FAM3D: variants seen among roughly 807,000 people sequenced by gnomAD.
FAM3D encodes protein FAM3D.
Under a neutral mutation model 29.8 loss-of-function variants are expected in FAM3D, and 26 were observed. The ratio of observed to expected loss-of-function variants is 0.87; its 90% CI spans 0.64 to 1.21. FAM3D has a LOEUF of 1.21. Among genes scored for constraint, FAM3D ranks in the 50% most tolerant of loss-of-function variants. The probability of loss-of-function intolerance (pLI) is 0.00; values close to 1 mark genes in which losing one functional copy is unlikely to be tolerated. For synonymous variants in FAM3D, 115 were observed against 102.3 expected (o/e 1.12, Z -0.75); for missense variants, 253 against 290.9 (o/e 0.87, Z 0.95).
chr3:58,637,172 G>C lies in FAM3D; in HGVS notation c.427C>G (p.Leu143Val). The C allele has an allele frequency of 6.2e-7, 1 of 1,614,000 alleles. No individual in the cohort carries two copies. Among genetic ancestry groups the C allele is most frequent in the Non-Finnish European group, 8.5e-7 (1 of 1,179,972 alleles). The change falls in exon 8 of 10, where the codon CTG becomes GTG. Residue 143 changes from leucine to valine, a missense_variant. Physicochemically the swap from Leu to Val is conservative, Grantham distance 32. Transcript: ENST00000358781. ...CCTGGATCGTCGTAGGAGGCCACCA[G>C]CACCAGTGCACCCCCCGGAATTTCT... is the stretch of plus-strand genomic sequence containing the variant. ...LKEIPGGALV[L>V]VASYDDPGTK...
intron 2 of FAM3D, 67 bp from the exon 3 acceptor site, chr3:58,653,848 G>A (rs2066716972): frequency 2.0e-5 from 25 of 1,233,896 alleles, no homozygotes; most frequent in Non-Finnish European, 3.0e-5. Flanking sequence ...CCACGTGTGA[G>A]TTCTTCCCAA....
chr3:58,634,163 G>A lies in FAM3D; in HGVS notation c.*116C>T, dbSNP rs1461715120. ...GGCGCGACACAGCGTGCAAGGACCT[G>A]CAGCACCTTCCACGCAGCACCCCCT... On this transcript the variant is annotated 3_prime_UTR_variant, in exon 10 of 10. Coordinates refer to ENST00000358781, the MANE Select transcript of FAM3D (RefSeq NM_138805.3). This position sits in a 1 kb window ranked among gnomAD's most constrained non-coding sequence, Gnocchi z 4.6. 1.0e-5 allele frequency: 9 copies of A among 886,462 alleles called. No individual in the cohort carries two copies. Among genetic ancestry groups the A allele is most frequent in the Non-Finnish European group, 1.6e-5 (9 of 567,328 alleles). The allele number at this position is 886,462 out of a possible 1,614,324, so 54.9% of individuals were successfully genotyped here.
At chr3:58,651,388 A>G (rs1014607869) in intron 3 of FAM3D, among the ~76,000 whole-genome samples, 4 of 152,194 alleles carry the variant, frequency 2.6e-5, no homozygotes, top group African/African-American at 9.7e-5. Flanking sequence ...TGAAACATCA[A>G]TGGTTTTTAC....
rs58038656 is a variant in FAM3D at position 58,635,628 on chromosome 3, C to T, written c.585+666G>A. On this transcript the variant is annotated intron_variant, in intron 9 of 9. Coordinates refer to ENST00000358781, the MANE Select transcript of FAM3D (RefSeq NM_138805.3). The surrounding 1 kb of genome is among the most constrained non-coding windows in gnomAD (Gnocchi z 5.2). ...AGCACCCCCACAGGACATTCGGGAA[C>T]CACACCCGGCCGCCCCCGCCCACCG... 0.094 allele frequency among the ~76,000 whole-genome samples: 14,256 copies of T among 152,280 alleles called. 740 individuals are homozygous for T. Among genetic ancestry groups the T allele is most frequent in the African/African-American group, 0.14 (5,673 of 41,534 alleles).
intron 1 of FAM3D, among the ~76,000 whole-genome samples, chr3:58,659,968 A>G (rs1232779151): frequency 6.6e-6 from 1 of 152,182 alleles, no homozygotes; most frequent in African/African-American, 2.4e-5. Flanking sequence ...GAGGGGTTCC[A>G]TCAGTTCTTC....
chr3:58,663,918 G>A (rs529520883), intron 1 of FAM3D, among the ~76,000 whole-genome samples: 104 of 152,262 alleles, frequency 6.8e-4, no homozygotes, highest in African/African-American at 2.3e-3. Context: ...ACCTGTCCTC[G>A]CCAGAGGAAT....
At chr3:58,641,915 G>A (rs578144207) in intron 6 of FAM3D, among the ~76,000 whole-genome samples, 1 of 152,348 alleles carries the variant, frequency 6.6e-6, no homozygotes, top group East Asian at 1.9e-4. Flanking sequence ...CCATTTAGGG[G>A]AGAAAGTCAG....
intron 7 of FAM3D, among the ~76,000 whole-genome samples, chr3:58,638,706 C>T (rs1015673371): frequency 6.6e-6 from 1 of 152,180 alleles, no homozygotes; most frequent in Non-Finnish European, 1.5e-5. Flanking sequence ...ACAAAGCTGG[C>T]CTTGATTATT....
intron 3 of FAM3D, among the ~76,000 whole-genome samples, chr3:58,651,175 A>G (rs1275525604): frequency 6.6e-6 from 1 of 152,170 alleles, no homozygotes; most frequent in Non-Finnish European, 1.5e-5. Context: ...ATCACTTTAT[A>G]CTCCAACAGA....
At chr3:58,664,627 G>T (rs907136786) in intron 1 of FAM3D, among the ~76,000 whole-genome samples, 1 of 152,226 alleles carries the variant, frequency 6.6e-6, no homozygotes, top group Non-Finnish European at 1.5e-5. Context: ...GGTCAGACAA[G>T]CCAATAAGAT....
chr3:58,653,579 TG>T, intron 3 of FAM3D, 94 bp downstream of exon 3: 1 of 1,189,872 alleles, frequency 8.4e-7, no homozygotes, highest in Non-Finnish European at 1.2e-6. Flanking sequence ...CAGCTTGTCA[TG>T]TCTCCTGGGT....
At chr3:58,666,298 A>G (rs1316658675) in intron 1 of FAM3D, among the ~76,000 whole-genome samples, 1 of 152,118 alleles carries the variant, frequency 6.6e-6, no homozygotes, top group African/African-American at 2.4e-5. Context: ...CTAATCAATC[A>G]TAGCATGCTT....
chr3:58,664,517 G>A (rs573348875), intron 1 of FAM3D, among the ~76,000 whole-genome samples: 4 of 152,248 alleles, frequency 2.6e-5, no homozygotes, highest in Non-Finnish European at 5.9e-5. Context: ...TACGTGGCAA[G>A]CATCATGGTA....
intron 4 of FAM3D, among the ~76,000 whole-genome samples, chr3:58,648,124 C>T (rs1181897972): frequency 2.6e-5 from 4 of 152,148 alleles, no homozygotes; most frequent in African/African-American, 7.2e-5. Context: ...AATTTGCTAT[C>T]CCCCCAGCAG....
At chr3:58,643,554 C>A (rs1288445984) in intron 6 of FAM3D, 108 bp downstream of exon 6, 4 of 1,225,482 alleles carry the variant, frequency 3.3e-6, no homozygotes, top group Non-Finnish European at 3.6e-6. Flanking sequence ...ACGGGCATTC[C>A]TGCCATGAGG....
intron 4 of FAM3D, among the ~76,000 whole-genome samples, chr3:58,646,666 C>T (rs1393963773): frequency 6.6e-6 from 1 of 152,256 alleles, no homozygotes; most frequent in African/African-American, 2.4e-5. Flanking sequence ...CTCCCCAGCC[C>T]CTGTGCCAGG....
chr3:58,652,383 C>CATTA (rs2066662802), intron 3 of FAM3D, among the ~76,000 whole-genome samples: 1 of 151,924 alleles, frequency 6.6e-6, no homozygotes. Flanking sequence ...TCCATTCATT[C>CATTA]ATTCATTCAT....
At chr3:58,639,957 T>A (rs535348362) in intron 7 of FAM3D, among the ~76,000 whole-genome samples, 170 bp downstream of exon 7, 1 of 150,624 alleles carries the variant, frequency 6.6e-6, no homozygotes, top group South Asian at 2.1e-4. Context: ...CCAGAAGGAG[T>A]TTCGAAAGCA....
chr3:58,634,429 C>T lies in FAM3D; in HGVS notation c.586-61G>A, dbSNP rs993222646. ...AGTGAGGCTGTTCAGAACTCATGCC[C>T]ACATGGACACTGTGCTCTAAACCTA... On this transcript the variant is annotated intron_variant, in intron 9 of 9. Coordinates refer to ENST00000358781, the MANE Select transcript of FAM3D (RefSeq NM_138805.3). This position sits in a 1 kb window ranked among gnomAD's most constrained non-coding sequence, Gnocchi z 4.6. 1 of 1,443,866 alleles carries T rather than the reference C, an allele frequency of 6.9e-7. No homozygotes were observed. Among genetic ancestry groups the T allele is most frequent in the Non-Finnish European group, 9.7e-7 (1 of 1,036,012 alleles). The allele number at this position is 1,443,866 out of a possible 1,614,324, so 89.4% of individuals were successfully genotyped here.
Sources: gnomAD v4.1 joint callset for allele counts (sites outside exome capture counted in the v4.1 genomes callset) on GRCh38, gnomAD v4.1.1 for gene constraint, Gnocchi (gnomAD v3.1) non-coding constraint, MANE v1.5 for transcripts, NCBI Gene and HGNC (gene_info 2026-07-23, HGNC 2026-07-21) for gene names.